Variants in FAXDC2 observed in about 807,000 individuals in gnomAD.
FAXDC2 encodes the protein fatty acid hydroxylase domain-containing protein 2.
In FAXDC2, 41 loss-of-function variants were observed where a neutral mutation model predicts 40.9. That is an observed-to-expected ratio of 1.00 (90% CI 0.78 to 1.30). FAXDC2 has a LOEUF of 1.30. Ranked by LOEUF, FAXDC2 falls within the 50% of genes most tolerant of loss-of-function variation. FAXDC2 has a pLI of 0.00. For missense variants in FAXDC2, 390 were observed against 408.8 expected (o/e 0.95, Z 0.40); for synonymous variants, 157 against 149.3 (o/e 1.05, Z -0.38).
chr5:154,835,143 AATT>A (rs1269461362), intron 2 of FAXDC2: 3 of 513,982 alleles, frequency 5.8e-6, no homozygotes, highest in Non-Finnish European at 1.0e-5. Context: ...TGTTTATGAA[AATT>A]AGAGCTCAAG....
chr5:154,822,859 CAGAG>C (rs747805310), intron 6 of FAXDC2, among the ~76,000 whole-genome samples: 15 of 152,180 alleles, frequency 9.9e-5, no homozygotes, highest in Non-Finnish European at 7.3e-5. Flanking sequence ...CCCACACAAT[CAGAG>C]AGGCCTTTTC....
At chr5:154,842,866 G>T (rs1166669805) in intron 1 of FAXDC2, among the ~76,000 whole-genome samples, 2 of 151,028 alleles carry the variant, frequency 1.3e-5, no homozygotes, top group Non-Finnish European at 2.9e-5. Context: ...ATAGGGTCTT[G>T]CTATATTGCT....
At chr5:154,831,110 G>T in intron 4 of FAXDC2, 188 bp from the exon 5 acceptor site, 1 of 528,050 alleles carries the variant, frequency 1.9e-6, no homozygotes, top group Non-Finnish European at 3.3e-6. Flanking sequence ...CATTTAAGGA[G>T]TGTCTCCATT....
At position 154,821,343 on chromosome 5, in the gene FAXDC2, G is replaced by C. The variant is rs553528180; in HGVS notation, c.762C>G (p.Ala254=). The part of the protein sequence containing the change: ...LSSITMWFSL[A]LIITTISHCG... ...AGTGGGAGATGGTGGTGATGATGAG[G>C]GCCAAGGAAAACCACATGGTGATGG... is the stretch of plus-strand genomic sequence containing the variant. The change falls in exon 8 of 9, where the codon GCC becomes GCG. Residue 254 remains alanine (A), a synonymous_variant. Transcript: ENST00000326080. 1.9e-6 allele frequency: 3 copies of C among 1,610,918 alleles called. No individual in the cohort carries two copies. Among genetic ancestry groups the C allele is most frequent in the Non-Finnish European group, 2.5e-6 (3 of 1,178,920 alleles).
intron 1 of FAXDC2, among the ~76,000 whole-genome samples, chr5:154,849,018 G>C (rs760260805): frequency 1.4e-5 from 2 of 143,414 alleles, no homozygotes; most frequent in African/African-American, 2.6e-5. Context: ...GTTGGCTTAT[G>C]CCTGTAATCT....
intron 5 of FAXDC2, 82 bp downstream of exon 5, chr5:154,830,719 C>G: frequency 3.2e-6 from 5 of 1,559,476 alleles, no homozygotes; most frequent in Non-Finnish European, 4.4e-6. Context: ...CAGGTCTCTC[C>G]TGGGCCAGTG....
chr5:154,822,180 C>T (rs1156756042), intron 7 of FAXDC2: 2 of 300,268 alleles, frequency 6.7e-6, no homozygotes, highest in Non-Finnish European at 1.3e-5. Flanking sequence ...ATCACATGAG[C>T]CCAGGGGTTG....
At chr5:154,823,124 A>G (rs1306652318) in intron 6 of FAXDC2, among the ~76,000 whole-genome samples, 1 of 151,926 alleles carries the variant, frequency 6.6e-6, no homozygotes, top group Non-Finnish European at 1.5e-5. Context: ...TGATCCTCCC[A>G]CCTCAATCTC....
chr5:154,844,727 A>G (rs770036122), intron 1 of FAXDC2, among the ~76,000 whole-genome samples: 1 of 152,230 alleles, frequency 6.6e-6, no homozygotes, highest in African/African-American at 2.4e-5. Flanking sequence ...ACAGAATCAG[A>G]TATTGAAATT....
Position 154,834,708 on chromosome 5 carries a change from C to T in FAXDC2, c.161G>A (p.Gly54Asp), listed in dbSNP as rs1177453140. 4 of 1,613,776 alleles carry T rather than the reference C, an allele frequency of 2.5e-6. No homozygotes were observed. Among genetic ancestry groups the T allele is most frequent in the Non-Finnish European group, 3.4e-6 (4 of 1,179,932 alleles). Residue 54 changes from glycine to aspartate, a missense_variant, in exon 4 of 9, where the codon GGT becomes GAT. Coordinates refer to ENST00000326080, the MANE Select transcript of FAXDC2 (RefSeq NM_032385.5). ...GGCTTGCCAAAAGTAGCCAGAAGCA[C>T]CCCAAAATCTCTGAAGATGCCTTGG... ...SVTWHLQRFW[G>D]ASGYFWQAQW...
At chr5:154,832,726 G>T (rs933169516) in intron 4 of FAXDC2, among the ~76,000 whole-genome samples, 1 of 152,084 alleles carries the variant, frequency 6.6e-6, no homozygotes, top group Non-Finnish European at 1.5e-5. Context: ...TATCACCAAG[G>T]TAATAGGTAA....
chr5:154,825,374 G>C lies in FAXDC2; in HGVS notation c.367-1782C>G, dbSNP rs187663894. On this transcript the variant is annotated intron_variant, in intron 5 of 8. Transcript: ENST00000326080. The stretch of plus-strand genomic sequence containing the variant: ...AGAGCAAGACTCCATCAAAAAAAAA[G>C]GCAGGCCGGTGCTGTGGCTCATGCC... Among the ~76,000 whole-genome samples, 380 of 135,908 alleles carry C rather than the reference G, an allele frequency of 2.8e-3. 3 individuals are homozygous for C. The highest frequency in any genetic ancestry group is 0.01 in the African/African-American group (373 of 35,962). The allele number at this position is 135,908 out of a possible 152,430, so 89.2% of individuals were successfully genotyped here.
rs1760258981 is a variant in FAXDC2, at chr5:154,834,062, T to C, written c.244+563A>G. Among the ~76,000 whole-genome samples the C allele has an allele frequency of 2.0e-5, 3 of 148,424 alleles. No homozygotes were observed. In the Admixed American group the frequency reaches 2.0e-4, roughly 10 times the overall value. ...TATTAATAATATAAATAAATGTATA[T>C]TATATATAATATATATTAAATAAAT... On this transcript the variant is annotated intron_variant, in intron 4 of 8. Coordinates refer to ENST00000326080, the MANE Select transcript of FAXDC2 (RefSeq NM_032385.5).
intron 1 of FAXDC2, among the ~76,000 whole-genome samples, chr5:154,844,167 G>A (rs764691940): frequency 6.6e-6 from 1 of 151,590 alleles, no homozygotes; most frequent in African/African-American, 2.4e-5. Context: ...GTAGTGAGTC[G>A]AGATTGCGCC....
At chr5:154,848,652 A>G (rs769082794) in intron 1 of FAXDC2, among the ~76,000 whole-genome samples, 10 of 152,106 alleles carry the variant, frequency 6.6e-5, no homozygotes, top group Admixed American at 2.0e-4. Context: ...TAGAAGATAG[A>G]GTGGCCGATA....
Position 154,820,175 on chromosome 5 carries a change from C to T in FAXDC2, c.*141G>A, listed in dbSNP as rs771449126. On this transcript the variant is annotated 3_prime_UTR_variant, in exon 9 of 9. Transcript: ENST00000326080. ...AGCCTCATCCTTGGCCCTGCTTTTC[C>T]GGGAAGCCGACCTTCCCTCTACCCT... is the stretch of plus-strand genomic sequence containing the variant. 3.0e-5 allele frequency: 20 copies of T among 666,398 alleles called. No homozygotes were observed. Among genetic ancestry groups the T allele is most frequent in the African/African-American group, 7.3e-5 (4 of 54,460 alleles). The allele number at this position is 666,398 out of a possible 1,614,324, so 41.3% of individuals were successfully genotyped here.
At position 154,824,068 on chromosome 5, in the gene FAXDC2, C is replaced by T. The variant is rs77813165; in HGVS notation, c.367-476G>A. ...CTCCTCAAGTGGTCCAGCCTCCCTG[C>T]AGTAGGCCCAGAGCAAAGAAGCAGG... is the stretch of plus-strand genomic sequence containing the variant. On this transcript the variant is annotated intron_variant, in intron 5 of 8. Transcript: ENST00000326080. 1.4e-3 allele frequency: 322 copies of T among 232,338 alleles called. 6 individuals carry two copies. In the East Asian group the frequency reaches 0.024, roughly 18 times the overall value. The allele number at this position is 232,338 out of a possible 1,614,324, so 14.4% of individuals were successfully genotyped here. A position where few individuals can be genotyped will look rare whatever the true frequency, so the allele number is the denominator to read the frequency against.
rs145062374 is a variant in FAXDC2 at position 154,848,130 on chromosome 5, T to C, written c.-1+2353A>G. 5.6e-3 allele frequency among the ~76,000 whole-genome samples: 860 copies of C among 152,274 alleles called. 3 individuals carry two copies. The highest frequency in any genetic ancestry group is 0.02 in the Middle Eastern group (6 of 294). ...CTGGGATTACAGGCGTGAGCCACCA[T>C]GCCCGGCCTACTGAATGTTCCTATT... On this transcript the variant is annotated intron_variant, in intron 1 of 8. Coordinates refer to ENST00000326080, the MANE Select transcript of FAXDC2 (RefSeq NM_032385.5).
At chr5:154,828,131 G>A (rs1468133326) in intron 5 of FAXDC2, among the ~76,000 whole-genome samples, 1 of 151,808 alleles carries the variant, frequency 6.6e-6, no homozygotes, top group African/African-American at 2.4e-5. Flanking sequence ...TTACAGGCGT[G>A]AGCCACCACA....
Sources: allele counts gnomAD v4.1 joint callset (sites outside exome capture counted in the v4.1 genomes callset), GRCh38; gene constraint gnomAD v4.1.1; transcripts MANE v1.5; gene names NCBI Gene and HGNC (gene_info 2026-07-23, HGNC 2026-07-21).